SVEP1: variants seen among roughly 807,000 people sequenced by gnomAD.
SVEP1 encodes the protein sushi, von Willebrand factor type A, EGF and pentraxin domain-containing protein 1.
In SVEP1, 164 loss-of-function variants were observed where a neutral mutation model predicts 367.3. That is an observed-to-expected ratio of 0.45 (90% CI 0.39 to 0.51). The LOEUF is 0.51. SVEP1 is among the 20% of genes least tolerant of loss of function. The probability of loss-of-function intolerance (pLI) is 0.00; values close to 1 mark genes in which losing one functional copy is unlikely to be tolerated. For missense variants in SVEP1, 4,117 were observed against 4,425.3 expected (o/e 0.93, Z 1.98); for synonymous variants, 1,666 against 1,611.6 (o/e 1.03, Z -0.81).
chr9:110,546,282 G>A lies in SVEP1; in HGVS notation c.797C>T (p.Ser266Phe). The change falls in exon 3 of 48, where the codon TCT (serine) becomes TTT (phenylalanine). Residue 266 changes from serine to phenylalanine, a missense_variant. Physicochemically the swap from Ser to Phe is radical, Grantham distance 155. This residue lies in a region of SVEP1 where 2,174 missense variants were observed against 2,494.3 expected (regional missense o/e 0.87). Transcript: ENST00000374469. Reference sequence around the variant, plus strand: ...CATATCATCTTGAATAAAACTCCCAGAAGGTAGATCTACAAATAACATATG... The same window carrying A: ...CATATCATCTTGAATAAAACTCCCAAAAGGTAGATCTACAAATAACATATG... ...ARRALHEDLPSGSFIQDDMVH... is the reference protein window; with the variant it reads ...ARRALHEDLPFGSFIQDDMVH... 1 of 1,587,936 alleles carries A rather than the reference G, an allele frequency of 6.3e-7. No individual in the cohort carries two copies. The highest frequency in any genetic ancestry group is 8.6e-7 in the Non-Finnish European group (1 of 1,166,544).
chr9:110,367,162 C>A (rs571445203), intron 47 of SVEP1, among the ~76,000 whole-genome samples: 1 of 152,102 alleles, frequency 6.6e-6, no homozygotes, highest in Admixed American at 6.5e-5. Flanking sequence ...AGGCACTAGG[C>A]ATATATATAT....
chr9:110,491,074 T>C (rs1487002916), intron 8 of SVEP1, among the ~76,000 whole-genome samples: 2 of 151,972 alleles, frequency 1.3e-5, no homozygotes, highest in Admixed American at 6.6e-5. Context: ...TTTGAGAGTA[T>C]AACTTTACAT....
At chr9:110,532,053 T>C (rs554652451) in intron 3 of SVEP1, among the ~76,000 whole-genome samples, 1 of 152,170 alleles carries the variant, frequency 6.6e-6, no homozygotes, top group Non-Finnish European at 1.5e-5. Flanking sequence ...TCCCAGGAAG[T>C]TGGGAACCAA....
At chr9:110,396,689 A>G (rs187260137) in intron 40 of SVEP1, among the ~76,000 whole-genome samples, 1 of 73,340 alleles carries the variant, frequency 1.4e-5, no homozygotes, top group African/African-American at 5.6e-5. Flanking sequence ...CAGAAATACA[A>G]ACTACCATCA....
At chr9:110,392,632 G>A (rs934671101) in intron 40 of SVEP1, among the ~76,000 whole-genome samples, 3 of 152,048 alleles carry the variant, frequency 2.0e-5, no homozygotes, top group Non-Finnish European at 4.4e-5. Context: ...CTACTGTTTG[G>A]TTATCTAGTC....
At chr9:110,416,138 C>T (rs1344745378) in intron 36 of SVEP1, among the ~76,000 whole-genome samples, 1 of 151,872 alleles carries the variant, frequency 6.6e-6, no homozygotes, top group Non-Finnish European at 1.5e-5. Flanking sequence ...GAATTTATAA[C>T]ACACACAAAC....
chr9:110,426,676 A>G (rs1482763757), intron 36 of SVEP1, among the ~76,000 whole-genome samples: 1 of 152,240 alleles, frequency 6.6e-6, no homozygotes, highest in Non-Finnish European at 1.5e-5. Context: ...TGAAACTCAG[A>G]TGACCTGAGA....
intron 44 of SVEP1, among the ~76,000 whole-genome samples, chr9:110,377,623 G>C (rs1420802921): frequency 2.0e-5 from 3 of 152,170 alleles, no homozygotes; most frequent in African/African-American, 7.2e-5. Context: ...ACAACCTGAT[G>C]TTTTGATTTA....
rs1188563743 is a variant in SVEP1, at chr9:110,579,316, C to T, written c.228G>A (p.Arg76=). ...QAFRRRVRLL[R]ELSERLELVF... is the part of the protein sequence containing the mutation. ...CAAGCTCCAGGCGCTCGCTGAGCTC[C>T]CGCAGCAGCCGCACGCGTCGCCGGA... Residue 76 remains arginine (R), a synonymous_variant, in exon 1 of 48, where the codon CGG becomes CGA. Transcript: ENST00000374469. The surrounding 1 kb of genome is among the most constrained non-coding windows in gnomAD (Gnocchi z 5.3). The T allele has an allele frequency of 1.0e-5, 16 of 1,561,478 alleles. No homozygotes were observed. The highest frequency in any genetic ancestry group is 1.3e-5 in the Non-Finnish European group (15 of 1,154,754).
At chr9:110,565,393 G>A (rs1588111074) in intron 1 of SVEP1, among the ~76,000 whole-genome samples, 1 of 152,140 alleles carries the variant, frequency 6.6e-6, no homozygotes. Context: ...TTCAATAAAG[G>A]GTGTGAGGTG....
At chr9:110,499,608 T>A (rs1829501485) in intron 6 of SVEP1, among the ~76,000 whole-genome samples, 2 of 152,234 alleles carry the variant, frequency 1.3e-5, no homozygotes, top group South Asian at 4.1e-4. Flanking sequence ...TTAAGTGATA[T>A]ATTCAGCAAT....
intron 1 of SVEP1, among the ~76,000 whole-genome samples, chr9:110,559,859 A>G (rs1830402599): frequency 6.6e-6 from 1 of 152,224 alleles, no homozygotes. Context: ...GGGTAATCAC[A>G]TAATATTATT....
chr9:110,392,389 CT>C (rs1467989738), intron 40 of SVEP1, among the ~76,000 whole-genome samples: 1 of 151,894 alleles, frequency 6.6e-6, no homozygotes, highest in Non-Finnish European at 1.5e-5. Flanking sequence ...GATTTAGAGG[CT>C]TGATAATTTC....
At chr9:110,553,934 A>T (rs1361139568) in intron 1 of SVEP1, among the ~76,000 whole-genome samples, 2 of 152,154 alleles carry the variant, frequency 1.3e-5, no homozygotes, top group Admixed American at 6.6e-5. Context: ...ATATTCTCAC[A>T]TACTTTTCCT....
intron 3 of SVEP1, among the ~76,000 whole-genome samples, chr9:110,523,889 A>C (rs1473098885): frequency 3.9e-5 from 6 of 152,032 alleles, no homozygotes; most frequent in Admixed American, 3.9e-4. Flanking sequence ...AAAAAAAAGA[A>C]AATATAGAAT....
intron 3 of SVEP1, among the ~76,000 whole-genome samples, chr9:110,527,147 A>T (rs1829949029): frequency 6.6e-6 from 1 of 152,060 alleles, no homozygotes; most frequent in Non-Finnish European, 1.5e-5. Flanking sequence ...TGTTTGAGAT[A>T]CTGTACTATA....
In SVEP1 at chr9:110,430,827, G is replaced by A. The variant is rs1460415957; in HGVS notation, c.5354-377C>T. 2.6e-5 allele frequency among the ~76,000 whole-genome samples: 4 copies of A among 152,150 alleles called. No individual in the cohort carries two copies. In the East Asian group the frequency reaches 7.7e-4, roughly 29 times the overall value. On this transcript the variant is annotated intron_variant, in intron 32 of 47. Transcript: ENST00000374469. ...GCAACTGACTTGGTGTCAGGCTGAT[G>A]GAAAGGCTGAATAAAGCAGATTCAG...
At chr9:110,367,295 G>C (rs1827214905) in intron 47 of SVEP1, among the ~76,000 whole-genome samples, 1 of 152,174 alleles carries the variant, frequency 6.6e-6, no homozygotes, top group African/African-American at 2.4e-5. Flanking sequence ...CAGTAGCTGA[G>C]ACTACAGGTG....
chr9:110,474,885 TC>T (rs1235294911), intron 14 of SVEP1, among the ~76,000 whole-genome samples: 8 of 151,900 alleles, frequency 5.3e-5, no homozygotes, highest in Non-Finnish European at 1.2e-4. Flanking sequence ...AATAAAAATG[TC>T]CTCAATACAA....
Sources: allele counts gnomAD v4.1 joint callset (sites outside exome capture counted in the v4.1 genomes callset), GRCh38; gene constraint gnomAD v4.1.1; regional missense constraint gnomAD v4.1.1; non-coding constraint Gnocchi (gnomAD v3.1); transcripts MANE v1.5; gene names NCBI Gene and HGNC (gene_info 2026-07-23, HGNC 2026-07-21).